SLC35A2: variants seen among roughly 807,000 people sequenced by gnomAD.
The protein encoded by SLC35A2 is solute carrier family 35 member A2.
In SLC35A2, 1 loss-of-function variant was observed where a neutral mutation model predicts 17.3. The observed-to-expected ratio is 0.06, with a 90% CI of 0.02 to 0.27. The LOEUF is 0.27. Ranked by LOEUF, SLC35A2 falls within the 10% of genes least tolerant of loss-of-function variation. The pLI is 1.00. For missense variants in SLC35A2, 191 were observed against 339.3 expected, an observed-to-expected ratio of 0.56 and a Z score of 3.43; for synonymous variants, 161 against 161.3, an observed-to-expected ratio of 1.00 and a Z score of 0.01.
upstream of SLC35A2, chrX:48,911,833 G>A: frequency 1.7e-6 from 2 of 1,167,423 alleles, no homozygotes; most frequent in Non-Finnish European, 1.1e-6. Context: ...GGGAGGCCGG[G>A]GACACGGCCC....
chrX:48,904,680 C>T (rs1557042564), intron 4 of SLC35A2, 66 bp downstream of exon 4: 1 of 1,210,522 alleles, frequency 8.3e-7, no homozygotes. Flanking sequence ...GCCCAACACC[C>T]TCCACCCCAG....
chrX:48,909,989 C>T lies in SLC35A2; in HGVS notation c.99G>A (p.Arg33=), dbSNP rs781972982. ...CAGCTAGGGATATGTACTTCAGGCG[C>T]CTGTGAGCTGTGGGGAACGGAAGGG... The part of the protein sequence containing the change: ...LEPGTASAAH[R]RLKYISLAVL... Residue 33 remains arginine (R), a synonymous_variant, in exon 2 of 5, where the codon AGG becomes AGA. Coordinates refer to ENST00000247138, the MANE Select transcript of SLC35A2 (RefSeq NM_005660.3). 9 of 1,206,601 alleles carry T rather than the reference C, an allele frequency of 7.5e-6. No individual in the cohort carries two copies. In the African/African-American group the frequency reaches 8.7e-5, roughly 12 times the overall value.
chrX:48,911,697 T>A, upstream of SLC35A2: 2 of 1,153,704 alleles, frequency 1.7e-6, no homozygotes, highest in Non-Finnish European at 2.3e-6. Context: ...GTTCGTCACT[T>A]CCGCTGCCGG....
At chrX:48,906,074 G>T in intron 3 of SLC35A2, 1 of 406,643 alleles carries the variant, frequency 2.5e-6, no homozygotes, top group Non-Finnish European at 4.2e-6. Context: ...TTTGAACCCA[G>T]ACAGCCTGGC....
At chrX:48,907,547 T>C (rs1266753035) in intron 2 of SLC35A2, among the ~76,000 whole-genome samples, 1 of 111,960 alleles carries the variant, frequency 8.9e-6, no homozygotes, top group African/African-American at 3.2e-5. Flanking sequence ...ACACCAGGCA[T>C]AGTCTAGACT....
chrX:48,911,440 G>A, intron 1 of SLC35A2, 106 bp downstream of exon 1: 1 of 951,616 alleles, frequency 1.1e-6, no homozygotes, highest in Non-Finnish European at 1.5e-6. Context: ...ACACACACAC[G>A]TCGGTCCACA....
intron 2 of SLC35A2, among the ~76,000 whole-genome samples, chrX:48,908,154 CG>C (rs1387276177): frequency 1.9e-5 from 2 of 106,867 alleles, no homozygotes; most frequent in East Asian, 6.1e-4. Context: ...CTTGCTCTGT[CG>C]CCCAGGCTGG....
chrX:48,909,456 G>A (rs971044335), intron 2 of SLC35A2, among the ~76,000 whole-genome samples: 8 of 112,929 alleles, frequency 7.1e-5, no homozygotes, highest in African/African-American at 1.3e-4. Context: ...TGTTTAAAGC[G>A]GCCATGAGTT....
intron 1 of SLC35A2, 94 bp downstream of exon 1, chrX:48,911,452 G>T: frequency 9.4e-7 from 1 of 1,063,796 alleles, no homozygotes; most frequent in Non-Finnish European, 1.3e-6. Context: ...CGGTCCACAC[G>T]GGATGCTCCC....
chrX:48,910,379 C>G, intron 1 of SLC35A2: 1 of 801,820 alleles, frequency 1.2e-6, no homozygotes, highest in Non-Finnish European at 1.7e-6. Context: ...TACTGTATGC[C>G]TATCACTGGG....
Position 48,905,331 on chromosome X carries a change from C to G in SLC35A2, c.578G>C (p.Arg193Pro). 8.4e-7 allele frequency: 1 copy of G among 1,184,027 alleles called. No individual in the cohort carries two copies. Among genetic ancestry groups the G allele is most frequent in the South Asian group, 1.9e-5 (1 of 53,813 alleles). ...TGCCCCAGGGTTCTGATCCAGTGGC[C>G]GTGGGCCTCCCCCACCGGCTTGCTG... ...QAQQAGGGGPRPLDQNPGAGL... is the reference protein window; with the variant it reads ...QAQQAGGGGPPPLDQNPGAGL... The change falls in exon 4 of 5, where the codon CGG becomes CCG. Residue 193 changes from arginine (R) to proline (P), a missense_variant. By Grantham distance (103) the Arg-to-Pro change is moderately radical. Transcript: ENST00000247138.
chrX:48,909,424 G>T (rs1557043541), intron 2 of SLC35A2, among the ~76,000 whole-genome samples: 2 of 113,254 alleles, frequency 1.8e-5, no homozygotes, highest in South Asian at 7.1e-4. Context: ...TAGATTGGCA[G>T]TGAGTGAACA....
At chrX:48,903,802 G>T in intron 4 of SLC35A2, 1 of 859,597 alleles carries the variant, frequency 1.2e-6, no homozygotes, top group South Asian at 4.0e-5. Flanking sequence ...TACAGTTAAG[G>T]GGTTAATAAG....
At chrX:48,910,388 G>A in intron 1 of SLC35A2, 2 of 731,927 alleles carry the variant, frequency 2.7e-6, no homozygotes, top group Non-Finnish European at 3.8e-6. Flanking sequence ...CCTATCACTG[G>A]GTTAAGGGAT....
At chrX:48,907,880 G>T (rs782005418) in intron 2 of SLC35A2, among the ~76,000 whole-genome samples, 3 of 109,231 alleles carry the variant, frequency 2.7e-5, no homozygotes, top group African/African-American at 1.0e-4. Context: ...AAATTAGCCG[G>T]GTGTGGTGGC....
intron 3 of SLC35A2, chrX:48,905,879 A>G: frequency 1.1e-5 from 3 of 263,605 alleles, no homozygotes; most frequent in Non-Finnish European, 6.7e-6. Context: ...AAATACTTAC[A>G]TAGTGCTTAC....
At chrX:48,911,826 A>T (rs6609808), upstream of SLC35A2, 1 of 1,167,431 alleles carries the variant, frequency 8.6e-7, no homozygotes, top group Non-Finnish European at 1.1e-6. Context: ...TCGGATCGGG[A>T]GGCCGGGGAC....
At position 48,903,386 on chromosome X, in the gene SLC35A2, C is replaced by T; in HGVS notation, c.*52G>A. On this transcript the variant is annotated 3_prime_UTR_variant, in exon 5 of 5. Transcript: ENST00000247138. ...TGATCAGAGTTTGGTCCCAGCTGGG[C>T]CAAGGGCAAGAAGAGAGAACGAGGC... 2 of 579,113 alleles carry T rather than the reference C, an allele frequency of 3.5e-6. No individual in the cohort carries two copies. The highest frequency in any genetic ancestry group is 6.3e-6 in the Non-Finnish European group (2 of 318,410). The allele number at this position is 579,113 out of a possible 1,213,427, so 47.7% of individuals were successfully genotyped here.
chrX:48,903,734 T>C, intron 4 of SLC35A2: 1 of 983,200 alleles, frequency 1.0e-6, no homozygotes, highest in East Asian at 4.6e-5. Context: ...AATGGCTCTA[T>C]TTACATATAG....
Sources: gnomAD v4.1 joint callset for allele counts (sites outside exome capture counted in the v4.1 genomes callset) on GRCh38, gnomAD v4.1.1 for gene constraint, MANE v1.5 for transcripts, NCBI Gene and HGNC (gene_info 2026-07-23, HGNC 2026-07-21) for gene names.